Variants in CFAP61 observed in about 807,000 individuals in gnomAD.
CFAP61 encodes cilia and flagella associated protein 61.
CFAP61 carries 107 observed loss-of-function variants against 135.6 expected under a neutral mutation model. That is an observed-to-expected ratio of 0.79 (90% CI 0.67 to 0.93). The LOEUF (loss-of-function observed/expected upper bound fraction) is 0.93, where lower values mean the gene tolerates loss of function less well. CFAP61 is among the 40% of genes least tolerant of loss of function. The pLI, the probability that CFAP61 is intolerant of heterozygous loss-of-function variation, is 0.00. For synonymous variants in CFAP61, 575 were observed against 578.5 expected (o/e 0.99, Z 0.09); for missense variants, 1,507 against 1,556.2 (o/e 0.97, Z 0.53).
Position 20,288,626 on chromosome 20 carries a change from TG to T in CFAP61, c.2815del (p.Glu939ArgfsTer24). 1 of 1,612,564 alleles carries T rather than the reference TG, an allele frequency of 6.2e-7. No individual in the cohort carries two copies. The highest frequency in any genetic ancestry group is 8.5e-7 in the Non-Finnish European group (1 of 1,178,584). Reference sequence around the variant, plus strand: ...CTTCGTAGATGTTCTTCAGCTTCTGTGAGAAGAATGTGGATTATGAAACGTT... The same window carrying T: ...CTTCGTAGATGTTCTTCAGCTTCTGTAGAAGAATGTGGATTATGAAACGTT... ...LQCSMFFSFC[E>X]KNVDYETFKA... is the part of the protein sequence containing the mutation. On this transcript the variant is annotated frameshift_variant, in exon 23 of 27. Transcript: ENST00000245957. LOFTEE classifies it high-confidence loss of function.
At chr20:20,241,694 T>C (rs2050022868) in intron 18 of CFAP61, among the ~76,000 whole-genome samples, 1 of 152,188 alleles carries the variant, frequency 6.6e-6, no homozygotes, top group Admixed American at 6.5e-5. Flanking sequence ...AAAAGGCCTA[T>C]ATATAACTAT....
chr20:20,118,251 A>ATCTTTCTT (rs1555872813), intron 8 of CFAP61, among the ~76,000 whole-genome samples: 76 of 113,736 alleles, frequency 6.7e-4, no homozygotes, highest in South Asian at 4.8e-3. Context: ...ATTTTGAGGT[A>ATCTTTCTT]TGTTTCTTTC....
At chr20:20,093,597 G>C (rs1446576597) in intron 7 of CFAP61, among the ~76,000 whole-genome samples, 1 of 151,672 alleles carries the variant, frequency 6.6e-6, no homozygotes, top group African/African-American at 2.4e-5. Context: ...ACCACACCAG[G>C]CTAATTTTTG....
At chr20:20,225,158 C>G (rs1242495852) in intron 17 of CFAP61, 1 of 152,172 alleles carries the variant, frequency 6.6e-6, no homozygotes, top group Non-Finnish European at 1.5e-5. Flanking sequence ...GCAAAATAAA[C>G]CCTTCATAAA....
intron 13 of CFAP61, among the ~76,000 whole-genome samples, chr20:20,175,801 G>T (rs1252545513): frequency 6.6e-6 from 1 of 152,056 alleles, no homozygotes; most frequent in African/African-American, 2.4e-5. Flanking sequence ...AAAATGCTGG[G>T]ATTACAGGCG....
chr20:20,243,740 C>G (rs1358965882), intron 18 of CFAP61, among the ~76,000 whole-genome samples: 1 of 152,108 alleles, frequency 6.6e-6, no homozygotes, highest in Non-Finnish European at 1.5e-5. Flanking sequence ...CCTGGCCCCC[C>G]AAAGTCTTAA....
chr20:20,245,458 T>A (rs1365759635), intron 18 of CFAP61, among the ~76,000 whole-genome samples: 3 of 152,104 alleles, frequency 2.0e-5, no homozygotes, highest in Non-Finnish European at 4.4e-5. Flanking sequence ...AACCATCAGA[T>A]CTGGTGAGAC....
chr20:20,193,728 C>T lies in CFAP61; in HGVS notation c.1590+2309C>T, dbSNP rs1187222917. On this transcript the variant is annotated intron_variant, in intron 15 of 26. Transcript: ENST00000245957. ...TCCCGGGTTCAAGCGATTCTCCTGC[C>T]TCAGCCTCCTGAGTAGCTGGAATTA... Among the ~76,000 whole-genome samples, 3 of 152,136 alleles carry T rather than the reference C, an allele frequency of 2.0e-5. No homozygotes were observed. The South Asian group carries it at 6.2e-4, about 31-fold the overall frequency.
At chr20:20,284,425 A>G (rs1000638486) in intron 22 of CFAP61, among the ~76,000 whole-genome samples, 21 of 151,956 alleles carry the variant, frequency 1.4e-4, no homozygotes, top group African/African-American at 4.6e-4. Context: ...AGCTGGGACT[A>G]CAGGCGGCTG....
intron 9 of CFAP61, among the ~76,000 whole-genome samples, chr20:20,148,972 TAC>T (rs1311187604): frequency 2.0e-5 from 3 of 152,172 alleles, no homozygotes; most frequent in African/African-American, 7.2e-5. Flanking sequence ...GCTATTTATA[TAC>T]AGTGAAGCAA....
At chr20:20,120,714 T>C (rs2049544011) in intron 8 of CFAP61, among the ~76,000 whole-genome samples, 1 of 152,242 alleles carries the variant, frequency 6.6e-6, no homozygotes, top group Non-Finnish European at 1.5e-5. Flanking sequence ...ATCTGTCTAC[T>C]ACTGAGAGTG....
intron 9 of CFAP61, among the ~76,000 whole-genome samples, chr20:20,147,762 T>G (rs185959420): frequency 7.2e-5 from 11 of 152,222 alleles, no homozygotes; most frequent in African/African-American, 2.2e-4. Flanking sequence ...CCAATTTATT[T>G]GTTGGTTTTT....
intron 26 of CFAP61, among the ~76,000 whole-genome samples, chr20:20,353,541 A>G (rs11905001): frequency 0.084 from 12,795 of 152,254 alleles, 665 homozygotes; most frequent in East Asian, 0.22. Flanking sequence ...AGTGTTTAAT[A>G]TTAGAAGTGT....
intron 25 of CFAP61, among the ~76,000 whole-genome samples, chr20:20,312,437 A>T (rs2056885405): frequency 6.6e-6 from 1 of 152,222 alleles, no homozygotes; most frequent in African/African-American, 2.4e-5. Flanking sequence ...GAACTTGAAG[A>T]CATAACAATT....
chr20:20,118,306 T>TTTC (rs1320313585), intron 8 of CFAP61, among the ~76,000 whole-genome samples: 23 of 121,778 alleles, frequency 1.9e-4, no homozygotes, highest in African/African-American at 6.9e-4. Flanking sequence ...TCTTTCTTTC[T>TTTC]TTTCTTTCTT....
At chr20:20,114,260 G>A (rs73605582) in intron 8 of CFAP61, among the ~76,000 whole-genome samples, 14,890 of 152,008 alleles carry the variant, frequency 0.098, 1,506 homozygotes, top group East Asian at 0.59. Context: ...GCAGAGTGAG[G>A]CCCTGTCTCT....
chr20:20,109,101 A>T (rs1435925252), intron 8 of CFAP61, among the ~76,000 whole-genome samples: 2 of 152,146 alleles, frequency 1.3e-5, no homozygotes, highest in Non-Finnish European at 1.5e-5. Context: ...ATGTTTATTC[A>T]TGGTGAGAGT....
In CFAP61 at chr20:20,288,721, A is replaced by G. The variant is rs2054776758; in HGVS notation, c.2909A>G (p.Asn970Ser). The G allele has an allele frequency of 6.2e-7, 1 of 1,614,120 alleles. No individual in the cohort carries two copies. The highest frequency in any genetic ancestry group is 8.5e-7 in the Non-Finnish European group (1 of 1,179,974). Reference sequence around the variant, plus strand: ...GTGATTGATACCAACTTCCACACCAACGACATAGCCATCAGAGCTGCTGGC... The same window carrying G: ...GTGATTGATACCAACTTCCACACCAGCGACATAGCCATCAGAGCTGCTGGC... ...RLVIDTNFHTNDIAIRAAGSL... is the reference protein window; with the variant it reads ...RLVIDTNFHTSDIAIRAAGSL... The change falls in exon 23 of 27, where the codon AAC becomes AGC. Residue 970 changes from asparagine (N) to serine (S), a missense_variant. By Grantham distance (46) the Asn-to-Ser change is conservative. Coordinates refer to ENST00000245957, the MANE Select transcript of CFAP61 (RefSeq NM_015585.4).
rs116522542 is a variant in CFAP61, at chr20:20,196,581, C to T, written c.1602C>T (p.Tyr534=). Residue 534 remains tyrosine (Y), a synonymous_variant, in exon 16 of 27, where the codon TAC becomes TAT. Coordinates refer to ENST00000245957, the MANE Select transcript of CFAP61 (RefSeq NM_015585.4). ...TGTCTCTTCTGTAGGACATTGAGTA[C>T]ATACGGTCCCATTACAACATTGAAG... ...AVIRNEMDIE[Y]IRSHYNIEDF... is the part of the protein sequence containing the mutation. The T allele has an allele frequency of 5.0e-5, 81 of 1,612,904 alleles. No individual in the cohort carries two copies. In the East Asian group the frequency reaches 1.7e-3, roughly 33 times the overall value.
Sources: allele counts gnomAD v4.1 joint callset (sites outside exome capture counted in the v4.1 genomes callset), GRCh38; gene constraint gnomAD v4.1.1; transcripts MANE v1.5; gene names NCBI Gene and HGNC (gene_info 2026-07-23, HGNC 2026-07-21).